The following FBRSL1 variants were observed in gnomAD, a reference collection of about 807,000 sequenced individuals.
FBRSL1 encodes the protein fibrosin-1-like protein.
Under a neutral mutation model 89.6 loss-of-function variants are expected in FBRSL1, and 51 were observed. That is an observed-to-expected ratio of 0.57 (90% CI 0.45 to 0.72). FBRSL1 has a LOEUF of 0.72. Ranked by LOEUF, FBRSL1 falls within the 30% of genes least tolerant of loss-of-function variation. FBRSL1 has a pLI of 0.00. For missense variants in FBRSL1, 1,618 were observed against 1,451.8 expected (o/e 1.11, Z -1.86); for synonymous variants, 779 against 681.1 (o/e 1.14, Z -2.24).
intron 15 of FBRSL1, among the ~76,000 whole-genome samples, chr12:132,578,341 T>TCACACACACACACACACACA (rs547551851): frequency 2.8e-3 from 80 of 28,658 alleles, no homozygotes; most frequent in African/African-American, 4.6e-3. Context: ...CAAGACCCTG[T>TCACACACACACACACACACA]CTCACACACA....
At chr12:132,535,550 C>T (rs761377741) in intron 4 of FBRSL1, among the ~76,000 whole-genome samples, 125 of 152,342 alleles carry the variant, frequency 8.2e-4, no homozygotes, top group Non-Finnish European at 1.4e-3. Context: ...GCTGCCACAT[C>T]CCAGCTCTCC....
intron 2 of FBRSL1, among the ~76,000 whole-genome samples, chr12:132,517,406 G>T (rs903203309): frequency 6.6e-6 from 1 of 152,220 alleles, no homozygotes; most frequent in Admixed American, 6.5e-5. Flanking sequence ...TGCTTTCCCA[G>T]CCTCACTCTG....
Position 132,499,411 on chromosome 12 carries a change from G to C in FBRSL1, c.291+8550G>C, listed in dbSNP as rs2136403722. On this transcript the variant is annotated intron_variant, in intron 1 of 18. Coordinates refer to ENST00000680143, the MANE Select transcript of FBRSL1 (RefSeq NM_001367871.1). The surrounding 1 kb of genome is among the most constrained non-coding windows in gnomAD (Gnocchi z 4.3). ...CTGAGCTGTTCTGCTTTCCCTGACA[G>C]ACTTTATAAGCATTTATTGAGCACC... Among the ~76,000 whole-genome samples, 1 of 152,338 alleles carries C rather than the reference G, an allele frequency of 6.6e-6. No individual in the cohort carries two copies. The highest frequency in any genetic ancestry group is 2.1e-4 in the South Asian group (1 of 4,830).
intron 2 of FBRSL1, chr12:132,511,619 C>T (rs1199371559): frequency 2.0e-6 from 2 of 985,516 alleles, no homozygotes; most frequent in Non-Finnish European, 2.4e-6. Context: ...ACCCCTGCGC[C>T]ACGTGACAGG....
chr12:132,502,462 G>A (rs927183081), intron 1 of FBRSL1, among the ~76,000 whole-genome samples: 3 of 152,254 alleles, frequency 2.0e-5, no homozygotes, highest in South Asian at 2.1e-4. Flanking sequence ...CCAGTAAATC[G>A]GAGCTGGAGG....
intron 2 of FBRSL1, chr12:132,510,459 C>T (rs2034206974): frequency 4.1e-6 from 5 of 1,232,094 alleles, no homozygotes; most frequent in Non-Finnish European, 5.1e-6. Flanking sequence ...CCTGCAGGCA[C>T]CTCCCCATAT....
intron 8 of FBRSL1, 131 bp downstream of exon 8, chr12:132,570,671 T>C: frequency 1.2e-6 from 1 of 828,452 alleles, no homozygotes; most frequent in East Asian, 3.0e-5. Flanking sequence ...CCTCTCTGAG[T>C]GGTTCCCCCA....
intron 5 of FBRSL1, among the ~76,000 whole-genome samples, chr12:132,555,152 A>G (rs951208786): frequency 4.6e-5 from 7 of 152,206 alleles, no homozygotes; most frequent in East Asian, 1.9e-4. Flanking sequence ...GCTGAATTCA[A>G]TGCATTTGGG....
At chr12:132,527,815 T>G (rs1593351962) in intron 3 of FBRSL1, 138 bp from the exon 4 acceptor site, 1 of 780,066 alleles carries the variant, frequency 1.3e-6, no homozygotes, top group African/African-American at 1.9e-5. Context: ...GGTCTGTGGA[T>G]CTGCGGGGCA....
Position 132,571,091 on chromosome 12 carries a change from A to T in FBRSL1, c.1237A>T (p.Ser413Cys). ...AGATGCCAGCCTGGCGGTCTCATTC[A>T]GCCAGCCAATCATGTATTGCCAGCC... is the stretch of plus-strand genomic sequence containing the variant. ...PADASLAVSF[S>C]QPIMYCQPHS... Residue 413 changes from serine to cysteine, a missense_variant, in exon 9 of 19, where the codon AGC (serine) becomes TGC (cysteine). By Grantham distance (112) the Ser-to-Cys change is moderately radical. Transcript: ENST00000680143. 1 of 1,355,624 alleles carries T rather than the reference A, an allele frequency of 7.4e-7. No homozygotes were observed. The highest frequency in any genetic ancestry group is 2.0e-5 in the South Asian group (1 of 49,576). 84.0% of individuals were successfully genotyped at this position (1,355,624 alleles called of 1,614,324 possible).
intron 2 of FBRSL1, among the ~76,000 whole-genome samples, chr12:132,516,157 A>G (rs2034822119): frequency 1.3e-5 from 2 of 152,134 alleles, no homozygotes; most frequent in Non-Finnish European, 2.9e-5. Flanking sequence ...TGGAAAACAA[A>G]ACTGACACAA....
At chr12:132,523,632 A>G (rs1345148424) in intron 2 of FBRSL1, among the ~76,000 whole-genome samples, 6 of 152,138 alleles carry the variant, frequency 3.9e-5, no homozygotes, top group Non-Finnish European at 8.8e-5. Context: ...CACTATACTC[A>G]GCAGCCCTGT....
intron 2 of FBRSL1, chr12:132,511,490 G>T (rs1215132182): frequency 3.0e-6 from 3 of 986,046 alleles, no homozygotes; most frequent in East Asian, 2.3e-4. Context: ...GGAGTCCAAG[G>T]CACGCCACTC....
chr12:132,567,288 C>T (rs555047953), intron 5 of FBRSL1, among the ~76,000 whole-genome samples, 193 bp from the exon 6 acceptor site: 6 of 152,326 alleles, frequency 3.9e-5, no homozygotes, highest in East Asian at 1.9e-4. Context: ...GTGCCCCCAG[C>T]GTGAGCACAT....
At chr12:132,563,450 A>C (rs990959675) in intron 5 of FBRSL1, among the ~76,000 whole-genome samples, 2 of 146,712 alleles carry the variant, frequency 1.4e-5, no homozygotes, top group African/African-American at 2.6e-5. Flanking sequence ...AGCCTGCACC[A>C]TGTCTGGGGT....
At position 132,571,060 on chromosome 12, in the gene FBRSL1, G is replaced by A; in HGVS notation, c.1214-8G>A. ...GGAGGGGCTCACCGTGTTCTCTCTT[G>A]CCTCTAGATGCCAGCCTGGCGGTCT... On this transcript the variant is annotated splice_polypyrimidine_tract_variant and splice_region_variant and intron_variant, in intron 8 of 18. Transcript: ENST00000680143. 1.5e-6 allele frequency: 2 copies of A among 1,336,028 alleles called. No homozygotes were observed. Among genetic ancestry groups the A allele is most frequent in the South Asian group, 2.2e-5 (1 of 45,166 alleles). 82.8% of individuals were successfully genotyped at this position (1,336,028 alleles called of 1,614,324 possible).
chr12:132,492,918 C>T (rs551373144), intron 1 of FBRSL1, among the ~76,000 whole-genome samples: 52 of 152,306 alleles, frequency 3.4e-4, no homozygotes, highest in African/African-American at 1.2e-3. Flanking sequence ...GTGGTTTTTC[C>T]CCAAAGTTCA....
At chr12:132,573,168 G>A (rs925116805) in intron 11 of FBRSL1, among the ~76,000 whole-genome samples, 11 of 152,210 alleles carry the variant, frequency 7.2e-5, no homozygotes, top group South Asian at 2.1e-4. Context: ...CACCCTCTGC[G>A]GAGGGGCACA....
At chr12:132,547,965 T>C (rs1593439108) in intron 4 of FBRSL1, 38 bp from the exon 5 acceptor site, 2 of 1,548,894 alleles carry the variant, frequency 1.3e-6, no homozygotes, top group Admixed American at 3.9e-5. Context: ...CACTGGTTGG[T>C]GGGGCCCCGA....
Sources: allele counts gnomAD v4.1 joint callset (sites outside exome capture counted in the v4.1 genomes callset), GRCh38; gene constraint gnomAD v4.1.1; non-coding constraint Gnocchi (gnomAD v3.1); transcripts MANE v1.5; gene names NCBI Gene and HGNC (gene_info 2026-07-23, HGNC 2026-07-21).